Variants in TAF4 observed in about 807,000 individuals in gnomAD.
The protein encoded by TAF4 is transcription initiation factor TFIID subunit 4.
In TAF4, 9 loss-of-function variants were observed where a neutral mutation model predicts 90.3. That is an observed-to-expected ratio of 0.10 (90% CI 0.06 to 0.17). The LOEUF is 0.17. Among genes scored for constraint, TAF4 ranks in the 10% least tolerant of loss-of-function variants. The pLI, the probability that TAF4 is intolerant of heterozygous loss-of-function variation, is 1.00. For synonymous variants in TAF4, 818 were observed against 638.9 expected, an observed-to-expected ratio of 1.28 and a Z score of -4.23; for missense variants, 1,351 against 1,370.7, an observed-to-expected ratio of 0.99 and a Z score of 0.23.
Position 62,064,953 on chromosome 20 carries a change from G to A in TAF4, c.858C>T (p.His286=), listed in dbSNP as rs2056116454. The part of the protein sequence containing the change: ...APATLARPPG[H]PAGPPTAAPA... The stretch of plus-strand genomic sequence containing the variant: ...GCGCGGCGGTCGGGGGTCCGGCGGG[G>A]TGGCCGGGCGGCCGGGCCAGAGTGG... The change falls in exon 1 of 15, where the codon CAC becomes CAT. Residue 286 remains histidine (H), a synonymous_variant. Transcript: ENST00000252996. 3 of 489,650 alleles carry A rather than the reference G, an allele frequency of 6.1e-6. No individual in the cohort carries two copies. The highest frequency in any genetic ancestry group is 8.6e-5 in the South Asian group (1 of 11,608). The allele number at this position is 489,650 out of a possible 1,614,324, so 30.3% of individuals were successfully genotyped here.
chr20:61,997,255 C>G (rs1300440278), intron 14 of TAF4, among the ~76,000 whole-genome samples: 1 of 152,206 alleles, frequency 6.6e-6, no homozygotes, highest in Non-Finnish European at 1.5e-5. Context: ...GATCCCTATT[C>G]GGATCATTCT....
At chr20:62,062,250 C>T (rs545778267) in intron 1 of TAF4, among the ~76,000 whole-genome samples, 7 of 152,294 alleles carry the variant, frequency 4.6e-5, no homozygotes, top group South Asian at 2.1e-4. Context: ...TCAATGAAAA[C>T]GGAACCAACT....
intron 1 of TAF4, among the ~76,000 whole-genome samples, chr20:62,028,406 A>C (rs1031994734): frequency 3.9e-5 from 6 of 152,084 alleles, no homozygotes; most frequent in African/African-American, 1.4e-4. Flanking sequence ...TTACATGCAG[A>C]TTTTTTTCAA....
chr20:62,065,607 G>C lies in TAF4; in HGVS notation c.204C>G (p.Ala68=), dbSNP rs2056126590. The C allele has an allele frequency of 2.0e-6, 2 of 996,650 alleles. No individual in the cohort carries two copies. The highest frequency in any genetic ancestry group is 1.0e-4 in the East Asian group (1 of 9,960). The allele number at this position is 996,650 out of a possible 1,614,324, so 61.7% of individuals were successfully genotyped here. The change falls in exon 1 of 15, where the codon GCC becomes GCG. Residue 68 remains alanine, a synonymous_variant. Transcript: ENST00000252996. ...LGNHVVSGSP[A]GAAGAGPAAP... ...CGGCCGGCCCTGCGCCCGCGGCTCC[G>C]GCCGGGCTGCCGCTCACAACATGGT... is the stretch of plus-strand genomic sequence containing the variant.
At chr20:62,030,351 A>G (rs769798906) in intron 1 of TAF4, among the ~76,000 whole-genome samples, 1 of 152,252 alleles carries the variant, frequency 6.6e-6, no homozygotes, top group Non-Finnish European at 1.5e-5. Context: ...AGGACACCAC[A>G]GCCTTTTCAT....
Position 62,007,725 on chromosome 20 carries a change from G to A in TAF4, c.1885-89C>T, listed in dbSNP as rs146683382. 101 of 1,272,602 alleles carry A rather than the reference G, an allele frequency of 7.9e-5. No homozygotes were observed. The African/African-American group carries it at 1.1e-3, about 14-fold the overall frequency. The allele number at this position is 1,272,602 out of a possible 1,614,324, so 78.8% of individuals were successfully genotyped here. A position where few individuals can be genotyped will look rare whatever the true frequency, so the allele number is the denominator to read the frequency against. ...GCATCACTCTGGTCTCGTATTTTACGGCTGATTCCGCCCCGAGTTTCACTG... is the reference window on the plus strand; with the variant it reads ...GCATCACTCTGGTCTCGTATTTTACAGCTGATTCCGCCCCGAGTTTCACTG... On this transcript the variant is annotated intron_variant, in intron 5 of 14. Coordinates refer to ENST00000252996, the MANE Select transcript of TAF4 (RefSeq NM_003185.4).
chr20:62,008,338 C>T (rs1453425940), intron 5 of TAF4, among the ~76,000 whole-genome samples: 1 of 152,172 alleles, frequency 6.6e-6, no homozygotes, highest in East Asian at 1.9e-4. Context: ...CACTCCAGAT[C>T]CCCAGGCCAT....
intron 1 of TAF4, among the ~76,000 whole-genome samples, chr20:62,039,288 C>T (rs943375872): frequency 6.6e-6 from 1 of 152,176 alleles, no homozygotes; most frequent in African/African-American, 2.4e-5. Flanking sequence ...CCAGAAGTGA[C>T]GTCCTCACAC....
Position 62,065,224 on chromosome 20 carries a change from T to C in TAF4, c.587A>G (p.Gln196Arg). The change falls in exon 1 of 15, where the codon CAA (glutamine) becomes CGA (arginine). Residue 196 changes from glutamine to arginine, a missense_variant. Gln to Arg is a conservative substitution (Grantham distance 43). Transcript: ENST00000252996. ...CAGCGCGGCGCTCCCATTCAAAGTT[T>C]GCGCGGCGCCGGGGCCGGCGGGCTT... The part of the protein sequence containing the change: ...PGKPAGPGAA[Q>R]TLNGSAALLN... 1 of 1,129,248 alleles carries C rather than the reference T, an allele frequency of 8.9e-7. No homozygotes were observed. The highest frequency in any genetic ancestry group is 1.1e-6 in the Non-Finnish European group (1 of 908,910). The allele number at this position is 1,129,248 out of a possible 1,614,324, so 70.0% of individuals were successfully genotyped here.
At chr20:62,014,748 C>T in intron 1 of TAF4, 41 bp from the exon 2 acceptor site, 2 of 1,604,914 alleles carry the variant, frequency 1.2e-6, no homozygotes, top group Non-Finnish European at 1.7e-6. Context: ...CGCAACCACC[C>T]CAGAGCCATG....
intron 1 of TAF4, among the ~76,000 whole-genome samples, chr20:62,021,540 A>G (rs1038421263): frequency 3.3e-5 from 5 of 152,186 alleles, no homozygotes; most frequent in Admixed American, 1.3e-4. Flanking sequence ...TGCGCGCCCA[A>G]CGCGGAGTCG....
intron 5 of TAF4, chr20:62,008,083 C>G (rs556748345): frequency 4.0e-4 from 62 of 155,432 alleles, no homozygotes; most frequent in African/African-American, 1.4e-3. Context: ...TCAGGGCATC[C>G]GCGCCTTCAG....
chr20:62,063,567 G>A (rs1294783093), intron 1 of TAF4, among the ~76,000 whole-genome samples: 1 of 152,196 alleles, frequency 6.6e-6, no homozygotes, highest in African/African-American at 2.4e-5. Context: ...CGTGAGAACT[G>A]CCAGGCGGAA....
chr20:61,979,918 G>A (rs1050237526), intron 14 of TAF4, among the ~76,000 whole-genome samples: 2 of 152,246 alleles, frequency 1.3e-5, no homozygotes, highest in East Asian at 1.9e-4. Context: ...ATGTGCAGGC[G>A]CAATGGCGCA....
chr20:62,045,474 T>C (rs764231827), intron 1 of TAF4, among the ~76,000 whole-genome samples: 1 of 152,210 alleles, frequency 6.6e-6, no homozygotes, highest in Non-Finnish European at 1.5e-5. Context: ...GTGAGTGCTG[T>C]GGGATGAACC....
intron 1 of TAF4, among the ~76,000 whole-genome samples, chr20:62,057,238 C>T (rs6089632): frequency 0.52 from 78,905 of 152,022 alleles, 21,030 homozygotes; most frequent in Middle Eastern, 0.67. Flanking sequence ...AAAGCCTCTG[C>T]CCCAGGTGTG....
rs1383639150 is a variant in TAF4, at chr20:62,010,956, A to G, written c.1642-791T>C. Among the ~76,000 whole-genome samples, 8 of 152,174 alleles carry G rather than the reference A, an allele frequency of 5.3e-5. No individual in the cohort carries two copies. The South Asian group carries it at 1.7e-3, about 32-fold the overall frequency. ...CCAATGTATAAATCTAGCAGTCAAC[A>G]TTTTCTGTCTCCAATTTTTTAAACA... On this transcript the variant is annotated intron_variant, in intron 3 of 14. Transcript: ENST00000252996. The surrounding 1 kb of genome is among the most constrained non-coding windows in gnomAD (Gnocchi z 4.5).
chr20:62,008,857 G>T, intron 5 of TAF4, 195 bp downstream of exon 5: 1 of 616,346 alleles, frequency 1.6e-6, no homozygotes, highest in Non-Finnish European at 2.5e-6. Flanking sequence ...AGAACACCCA[G>T]CCCCAGGAAG....
intron 1 of TAF4, among the ~76,000 whole-genome samples, chr20:62,015,984 C>T (rs12624713): frequency 0.099 from 14,998 of 152,200 alleles, 1,196 homozygotes; most frequent in East Asian, 0.44. Context: ...AAACAAAAAC[C>T]AAACACCCAG....
Sources: gnomAD v4.1 joint callset for allele counts (sites outside exome capture counted in the v4.1 genomes callset) on GRCh38, gnomAD v4.1.1 for gene constraint, Gnocchi (gnomAD v3.1) non-coding constraint, MANE v1.5 for transcripts, NCBI Gene and HGNC (gene_info 2026-07-23, HGNC 2026-07-21) for gene names.